The following MPPED1 variants were observed in gnomAD, a reference collection of about 807,000 sequenced individuals.
The protein encoded by MPPED1 is metallophosphoesterase domain-containing protein 1.
Under a neutral mutation model 36.2 loss-of-function variants are expected in MPPED1, and 16 were observed. That is an observed-to-expected ratio of 0.44 (90% CI 0.30 to 0.67). MPPED1 has a LOEUF of 0.67. MPPED1 is among the 30% of genes least tolerant of loss of function. MPPED1 has a pLI of 0.10. For missense variants in MPPED1, 307 were observed against 453.4 expected (o/e 0.68, Z 2.93); for synonymous variants, 199 against 191.3 (o/e 1.04, Z -0.33).
intron 3 of MPPED1, among the ~76,000 whole-genome samples, chr22:43,470,106 TCATCCATC>T (rs201279311): frequency 0.22 from 32,369 of 149,954 alleles, 3,872 homozygotes; most frequent in African/African-American, 0.32. Flanking sequence ...CATCCATAAA[TCATCCATC>T]CATCCATCCA....
At chr22:43,429,680 C>T (rs1368626876) in intron 2 of MPPED1, among the ~76,000 whole-genome samples, 1 of 152,238 alleles carries the variant, frequency 6.6e-6, no homozygotes, top group Non-Finnish European at 1.5e-5. Flanking sequence ...CTCTCCCCTC[C>T]ACAAGCATGG....
intron 5 of MPPED1, among the ~76,000 whole-genome samples, chr22:43,499,514 ATGG>A (rs1379281219): frequency 2.5e-5 from 1 of 40,228 alleles, no homozygotes; most frequent in African/African-American, 1.0e-4. Context: ...AATGGAGGTG[ATGG>A]TGGTGGTGAT....
intron 4 of MPPED1, among the ~76,000 whole-genome samples, chr22:43,486,538 G>T (rs1931917354): frequency 6.6e-6 from 1 of 152,258 alleles, no homozygotes; most frequent in South Asian, 2.1e-4. Context: ...GCTTGGAGCT[G>T]CAGCTCCTGT....
chr22:43,476,159 A>G (rs1399761977), intron 4 of MPPED1, among the ~76,000 whole-genome samples: 2 of 152,130 alleles, frequency 1.3e-5, no homozygotes, highest in Non-Finnish European at 2.9e-5. Flanking sequence ...TAAAGGCTCT[A>G]TAAACCTTAT....
chr22:43,432,634 A>AGAGAGAAAGGGAG lies in MPPED1; in HGVS notation c.225-2394_225-2393insAAGGGAGGAGAGA, dbSNP rs1569067276. 9.1e-3 allele frequency among the ~76,000 whole-genome samples: 5 copies of AGAGAGAAAGGGAG among 548 alleles called. 2 individuals are homozygous for AGAGAGAAAGGGAG. The highest frequency in any genetic ancestry group is 0.018 in the Non-Finnish European group (5 of 284). 0.4% of individuals were successfully genotyped at this position (548 alleles called of 152,430 possible). On this transcript the variant is annotated intron_variant, in intron 2 of 6. Transcript: ENST00000443721. ...AAAGAGAGAGAGAAGGGGAGGAGAGAGAGAGAGAGGGAAAGAGAAAGGGAG... is the reference window on the plus strand; with the variant it reads ...AAAGAGAGAGAGAAGGGGAGGAGAGAGAGAGAAAGGGAGGAGAGAGAGGGAAAGAGAAAGGGAG...
intron 4 of MPPED1, among the ~76,000 whole-genome samples, chr22:43,481,690 C>A (rs1410783103): frequency 2.0e-5 from 3 of 152,150 alleles, no homozygotes; most frequent in Non-Finnish European, 2.9e-5. Flanking sequence ...CTCTTCCGTG[C>A]TGCTCTCTCT....
At chr22:43,496,367 G>A (rs1194279273) in intron 4 of MPPED1, among the ~76,000 whole-genome samples, 1 of 79,978 alleles carries the variant, frequency 1.3e-5, no homozygotes, top group Non-Finnish European at 2.1e-5. Context: ...GGAGGTGGTG[G>A]TGGTGGAGGT....
At chr22:43,437,925 C>T (rs1207367476) in intron 3 of MPPED1, among the ~76,000 whole-genome samples, 1 of 152,120 alleles carries the variant, frequency 6.6e-6, no homozygotes, top group African/African-American at 2.4e-5. Context: ...TGTGTTACAG[C>T]ATGTGGAGTT....
intron 4 of MPPED1, among the ~76,000 whole-genome samples, chr22:43,496,378 A>G (rs370287613): frequency 0.073 from 246 of 3,352 alleles, no homozygotes; most frequent in Non-Finnish European, 0.087. Flanking sequence ...TGGTGGAGGT[A>G]GTGGTGGTGG....
intron 3 of MPPED1, among the ~76,000 whole-genome samples, chr22:43,468,721 C>A (rs1931258447): frequency 6.6e-6 from 1 of 152,134 alleles, no homozygotes; most frequent in African/African-American, 2.4e-5. Flanking sequence ...GGGTCTGGAA[C>A]ACGGGAACAC....
chr22:43,452,205 A>C (rs1223758370), intron 3 of MPPED1, among the ~76,000 whole-genome samples: 1 of 151,782 alleles, frequency 6.6e-6, no homozygotes, highest in Non-Finnish European at 1.5e-5. Context: ...TTTAGTAGAG[A>C]TGGGGTTTCA....
intron 1 of MPPED1, among the ~76,000 whole-genome samples, 173 bp from the exon 2 acceptor site, chr22:43,424,735 A>G (rs767811691): frequency 1.3e-5 from 2 of 149,654 alleles, no homozygotes; most frequent in Non-Finnish European, 3.0e-5. Flanking sequence ...TTACCAAAGT[A>G]TATTCATCAA....
chr22:43,437,778 T>C (rs1930012923), intron 3 of MPPED1, among the ~76,000 whole-genome samples: 1 of 152,150 alleles, frequency 6.6e-6, no homozygotes, highest in Non-Finnish European at 1.5e-5. Context: ...TAAAGTGCTG[T>C]ATACCTGTTA....
chr22:43,453,150 C>T (rs1450071614), intron 3 of MPPED1, among the ~76,000 whole-genome samples: 6 of 152,072 alleles, frequency 3.9e-5, no homozygotes, highest in Admixed American at 1.3e-4. Flanking sequence ...CGGGGTTTCA[C>T]GGTGTTAGCC....
At position 43,456,740 on chromosome 22, in the gene MPPED1, T is replaced by C. The variant is rs112437037; in HGVS notation, c.407-17996T>C. Among the ~76,000 whole-genome samples the C allele has an allele frequency of 6.2e-3, 940 of 152,132 alleles. 7 individuals carry two copies. Among genetic ancestry groups the C allele is most frequent in the Non-Finnish European group, 9.5e-3 (643 of 67,974 alleles). On this transcript the variant is annotated intron_variant, in intron 3 of 6. Coordinates refer to ENST00000443721, the MANE Select transcript of MPPED1 (RefSeq NM_001044370.2). ...TGAACTCCTGGCCTCAAATGATCCATCCACCTCAGCCTCCCAAAGTGCTGG... is the reference window on the plus strand; with the variant it reads ...TGAACTCCTGGCCTCAAATGATCCACCCACCTCAGCCTCCCAAAGTGCTGG...
chr22:43,453,035 C>T (rs1429978337), intron 3 of MPPED1, among the ~76,000 whole-genome samples: 5 of 151,334 alleles, frequency 3.3e-5, no homozygotes, highest in African/African-American at 9.7e-5. Flanking sequence ...CTGCAAGCTC[C>T]GCCTCCTGGG....
chr22:43,481,118 T>C (rs1412159934), intron 4 of MPPED1, among the ~76,000 whole-genome samples: 1 of 152,214 alleles, frequency 6.6e-6, no homozygotes, highest in Non-Finnish European at 1.5e-5. Context: ...CCACCTTGCC[T>C]GGCCCTGTTT....
At chr22:43,436,163 C>T (rs135069) in intron 3 of MPPED1, among the ~76,000 whole-genome samples, 3,129 of 152,336 alleles carry the variant, frequency 0.021, 50 homozygotes, top group Middle Eastern at 0.051. Context: ...AACTCGCTTG[C>T]CTTGGAATCC....
At chr22:43,420,522 A>C (rs927745269) in intron 1 of MPPED1, among the ~76,000 whole-genome samples, 3 of 150,818 alleles carry the variant, frequency 2.0e-5, no homozygotes, top group African/African-American at 7.3e-5. Flanking sequence ...CTTCTACCTC[A>C]CCCTCCCGAG....
Sources: allele counts gnomAD v4.1 joint callset (sites outside exome capture counted in the v4.1 genomes callset), GRCh38; gene constraint gnomAD v4.1.1; transcripts MANE v1.5; gene names NCBI Gene and HGNC (gene_info 2026-07-23, HGNC 2026-07-21).